Variants in EXOC6B observed in about 807,000 individuals in gnomAD.
EXOC6B encodes exocyst complex component 6B.
Under a neutral mutation model 113.5 loss-of-function variants are expected in EXOC6B, and 54 were observed. The ratio of observed to expected loss-of-function variants is 0.48; its 90% CI spans 0.38 to 0.60. The LOEUF is 0.60. EXOC6B is among the 20% of genes least tolerant of loss of function. EXOC6B has a pLI of 0.00. For missense variants in EXOC6B, 797 were observed against 977.5 expected (o/e 0.82, Z 2.46); for synonymous variants, 357 against 339.0 (o/e 1.05, Z -0.58).
intron 8 of EXOC6B, among the ~76,000 whole-genome samples, chr2:72,526,780 G>A (rs1488620210): frequency 6.6e-6 from 1 of 151,888 alleles, no homozygotes; most frequent in Non-Finnish European, 1.5e-5. Flanking sequence ...GAATACAGGT[G>A]AAGAGAAAAA....
At chr2:72,730,022 T>C (rs1022598727) in intron 5 of EXOC6B, among the ~76,000 whole-genome samples, 8 of 152,200 alleles carry the variant, frequency 5.3e-5, no homozygotes, top group Non-Finnish European at 1.2e-4. Flanking sequence ...GATTATCCTA[T>C]AGCTTCATAT....
chr2:72,250,153 T>C (rs927554230), intron 20 of EXOC6B, among the ~76,000 whole-genome samples: 3 of 152,222 alleles, frequency 2.0e-5, no homozygotes, highest in African/African-American at 7.2e-5. Flanking sequence ...TAGAGGAATC[T>C]ATGATCAAGT....
At chr2:72,714,548 C>T (rs1679480523) in intron 6 of EXOC6B, among the ~76,000 whole-genome samples, 1 of 152,058 alleles carries the variant, frequency 6.6e-6, no homozygotes, top group South Asian at 2.1e-4. Flanking sequence ...AAGAAGTAGT[C>T]CCAGAAACTT....
chr2:72,483,533 C>T (rs1699231100), intron 16 of EXOC6B, among the ~76,000 whole-genome samples: 1 of 152,144 alleles, frequency 6.6e-6, no homozygotes, highest in African/African-American at 2.4e-5. Flanking sequence ...AAAGATCTGT[C>T]AACACAAAAG....
intron 5 of EXOC6B, among the ~76,000 whole-genome samples, chr2:72,726,510 T>C (rs1412407597): frequency 6.6e-6 from 1 of 152,170 alleles, no homozygotes; most frequent in East Asian, 1.9e-4. Context: ...TAATACCAGA[T>C]ACAAACTTGG....
intron 6 of EXOC6B, among the ~76,000 whole-genome samples, chr2:72,708,136 G>A (rs1258927849): frequency 2.6e-5 from 4 of 151,988 alleles, no homozygotes; most frequent in African/African-American, 9.7e-5. Context: ...ATTGTATAAA[G>A]AGTTCAAACC....
intron 20 of EXOC6B, among the ~76,000 whole-genome samples, chr2:72,265,981 G>C (rs1160040653): frequency 1.3e-5 from 2 of 152,056 alleles, no homozygotes; most frequent in African/African-American, 4.8e-5. Flanking sequence ...TTGTGGTTTT[G>C]ATTTGCATTT....
chr2:72,590,473 A>T (rs1320276191), intron 6 of EXOC6B, among the ~76,000 whole-genome samples: 1 of 151,968 alleles, frequency 6.6e-6, no homozygotes, highest in East Asian at 1.9e-4. Flanking sequence ...ATTCCCCAGA[A>T]ATTCTACATA....
intron 6 of EXOC6B, among the ~76,000 whole-genome samples, chr2:72,686,842 CA>C (rs1416302694): frequency 1.3e-5 from 2 of 152,070 alleles, no homozygotes; most frequent in Admixed American, 6.6e-5. Flanking sequence ...TACTAAAAAT[CA>C]TAAAACCTTC....
chr2:72,445,817 T>A (rs1696540266), intron 18 of EXOC6B, among the ~76,000 whole-genome samples: 1 of 152,010 alleles, frequency 6.6e-6, no homozygotes, highest in Non-Finnish European at 1.5e-5. Context: ...CACAACCCCA[T>A]TAAGAAGTGA....
rs182065959 is a variant in EXOC6B, at chr2:72,731,368, C to G, written c.328-123G>C. Reference sequence around the variant, plus strand: ...CCAGACAGTTTCATAGTAAGACCTGCCAAGTGAACTAAGGAACTGCCTTTC... The same window carrying G: ...CCAGACAGTTTCATAGTAAGACCTGGCAAGTGAACTAAGGAACTGCCTTTC... On this transcript the variant is annotated intron_variant, in intron 3 of 21. Coordinates refer to ENST00000272427, the MANE Select transcript of EXOC6B (RefSeq NM_015189.3). 1.5e-4 allele frequency: 109 copies of G among 709,664 alleles called. 1 individual carries two copies. The East Asian group carries it at 2.2e-3, about 15-fold the overall frequency. 44.0% of individuals were successfully genotyped at this position (709,664 alleles called of 1,614,324 possible).
At chr2:72,230,201 C>T (rs1050470214) in intron 20 of EXOC6B, among the ~76,000 whole-genome samples, 1 of 152,090 alleles carries the variant, frequency 6.6e-6, no homozygotes, top group African/African-American at 2.4e-5. Flanking sequence ...CTCCGCGTGT[C>T]CCAAATTTAT....
At chr2:72,330,731 C>T (rs1291293559) in intron 20 of EXOC6B, among the ~76,000 whole-genome samples, 2 of 151,974 alleles carry the variant, frequency 1.3e-5, no homozygotes, top group Non-Finnish European at 2.9e-5. Context: ...GAGTTTATGT[C>T]CCTGTTTCTT....
intron 6 of EXOC6B, among the ~76,000 whole-genome samples, chr2:72,636,369 GAAGC>G (rs199577767): frequency 0.092 from 8,859 of 96,162 alleles, 455 homozygotes; most frequent in African/African-American, 0.23. Flanking sequence ...AGGAAGGAAG[GAAGC>G]AAGGAAGCAA....
chr2:72,360,390 C>T (rs2104980395), intron 19 of EXOC6B, among the ~76,000 whole-genome samples: 1 of 152,250 alleles, frequency 6.6e-6, no homozygotes, highest in East Asian at 1.9e-4. Flanking sequence ...ACCTGGACTT[C>T]TCAGATACTT....
chr2:72,447,332 AC>A (rs935548787), intron 18 of EXOC6B, among the ~76,000 whole-genome samples: 40 of 152,276 alleles, frequency 2.6e-4, no homozygotes, highest in African/African-American at 8.9e-4. Context: ...TATGATAGAC[AC>A]CTAAGAAATG....
intron 17 of EXOC6B, among the ~76,000 whole-genome samples, chr2:72,475,381 T>C (rs907812404): frequency 1.3e-5 from 2 of 152,184 alleles, no homozygotes; most frequent in East Asian, 1.9e-4. Context: ...TTGGTGTTGG[T>C]TGCATTCAGC....
intron 1 of EXOC6B, among the ~76,000 whole-genome samples, chr2:72,816,090 C>G (rs1232064320): frequency 6.6e-6 from 1 of 152,088 alleles, no homozygotes; most frequent in Non-Finnish European, 1.5e-5. Context: ...GCCCGGGAGG[C>G]GGAGGTTGCA....
intron 20 of EXOC6B, among the ~76,000 whole-genome samples, chr2:72,213,681 T>C (rs947042620): frequency 1.3e-5 from 2 of 152,084 alleles, no homozygotes; most frequent in African/African-American, 4.8e-5. Context: ...TCCAAGGTGA[T>C]AGTATTAGGA....
Sources: allele counts gnomAD v4.1 joint callset (sites outside exome capture counted in the v4.1 genomes callset), GRCh38; gene constraint gnomAD v4.1.1; transcripts MANE v1.5; gene names NCBI Gene and HGNC (gene_info 2026-07-23, HGNC 2026-07-21).